Variants in SLC6A13 observed in about 807,000 individuals in gnomAD.
SLC6A13 encodes the protein solute carrier family 6 member 13.
Under a neutral mutation model 72.9 loss-of-function variants are expected in SLC6A13, and 69 were observed. The ratio of observed to expected loss-of-function variants is 0.95; its 90% CI spans 0.78 to 1.16. The LOEUF (loss-of-function observed/expected upper bound fraction) is 1.16. SLC6A13 is among the 50% of genes most tolerant of loss of function. SLC6A13 has a pLI of 0.00. For missense variants in SLC6A13, 735 were observed against 760.5 expected (o/e 0.97, Z 0.39); for synonymous variants, 303 against 303.0 (o/e 1.00, Z 0.00).
intron 8 of SLC6A13, among the ~76,000 whole-genome samples, chr12:227,200 C>T (rs1358171201): frequency 6.7e-6 from 1 of 148,330 alleles, no homozygotes; most frequent in Non-Finnish European, 1.5e-5. Flanking sequence ...TATAATGAAA[C>T]CAGTTTTTTT....
intron 4 of SLC6A13, among the ~76,000 whole-genome samples, chr12:239,280 C>T (rs1435580839): frequency 3.1e-5 from 2 of 65,326 alleles, no homozygotes; most frequent in Non-Finnish European, 9.4e-5. Context: ...CCACGTCCAC[C>T]CTGTTCCCTG....
intron 4 of SLC6A13, among the ~76,000 whole-genome samples, chr12:239,557 T>A (rs74057639): frequency 0.053 from 7,997 of 152,282 alleles, 565 homozygotes; most frequent in East Asian, 0.3. Flanking sequence ...CTCTGTTTTA[T>A]TTTCCTCCAT....
intron 2 of SLC6A13, chr12:259,626 C>T: frequency 7.0e-7 from 1 of 1,425,112 alleles, no homozygotes; most frequent in Non-Finnish European, 9.1e-7. Context: ...CCAGCTTGTG[C>T]TCATATTTCT....
At chr12:233,138 G>A (rs757179175) in intron 7 of SLC6A13, among the ~76,000 whole-genome samples, 1 of 152,206 alleles carries the variant, frequency 6.6e-6, no homozygotes, top group Non-Finnish European at 1.5e-5. Flanking sequence ...AGAGACTCCA[G>A]CAACAAGAGG....
chr12:221,702 T>C (rs1347566202), intron 13 of SLC6A13, among the ~76,000 whole-genome samples, 156 bp from the exon 14 acceptor site: 2 of 152,132 alleles, frequency 1.3e-5, no homozygotes, highest in African/African-American at 4.8e-5. Context: ...CCATCCACAC[T>C]CTGCCCAAAA....
At position 242,638 on chromosome 12, in the gene SLC6A13, C is replaced by A. The variant is rs375633418; in HGVS notation, c.454G>T (p.Gly152Cys). 3.1e-6 allele frequency: 5 copies of A among 1,613,600 alleles called. No individual in the cohort carries two copies. Among genetic ancestry groups the A allele is most frequent in the Non-Finnish European group, 4.2e-6 (5 of 1,179,780 alleles). ...CCTGTGTTCCACTCATGGTAGCAGC[C>A]GCCCCAGGGCAGGTCGATGGTGAAG... ...SSFTIDLPWG[G>C]CYHEWNTEHC... Residue 152 changes from glycine (G) to cysteine (C), a missense_variant, in exon 4 of 15, where the codon GGC (glycine) becomes TGC (cysteine). Coordinates refer to ENST00000343164, the MANE Select transcript of SLC6A13 (RefSeq NM_016615.5).
At chr12:224,770 G>A (rs966839721) in intron 9 of SLC6A13, among the ~76,000 whole-genome samples, 1 of 152,196 alleles carries the variant, frequency 6.6e-6, no homozygotes, top group African/African-American at 2.4e-5. Context: ...AGAGGGCTGT[G>A]GGTCTAAAAC....
chr12:227,705 G>A (rs777622345), intron 7 of SLC6A13, 37 bp from the exon 8 acceptor site: 1 of 1,544,986 alleles, frequency 6.5e-7, no homozygotes, highest in South Asian at 1.2e-5. Flanking sequence ...GAACTCCCAG[G>A]AAAGCCAGGC....
chr12:259,677 C>G, intron 2 of SLC6A13, 174 bp downstream of exon 2: 2 of 1,473,082 alleles, frequency 1.4e-6, no homozygotes, highest in Non-Finnish European at 1.8e-6. Context: ...GGGATAGTCA[C>G]GTAACCTTTC....
chr12:228,301 G>A (rs1015166062), intron 7 of SLC6A13, among the ~76,000 whole-genome samples: 1 of 152,160 alleles, frequency 6.6e-6, no homozygotes, highest in African/African-American at 2.4e-5. Context: ...GCCCGTGCAT[G>A]TTATGATTTA....
intron 2 of SLC6A13, among the ~76,000 whole-genome samples, chr12:250,911 T>C (rs1398022472): frequency 4.1e-5 from 6 of 147,742 alleles, no homozygotes; most frequent in South Asian, 2.1e-4. Context: ...TTTGGGAGCA[T>C]TCTGGGAGGC....
intron 1 of SLC6A13, among the ~76,000 whole-genome samples, chr12:261,724 G>A (rs540315947): frequency 3.3e-5 from 5 of 152,250 alleles, no homozygotes; most frequent in African/African-American, 1.2e-4. Flanking sequence ...TCAGGAGTTT[G>A]AGACCAGCCT....
chr12:227,453 A>C, intron 8 of SLC6A13, 112 bp downstream of exon 8: 1 of 1,538,686 alleles, frequency 6.5e-7, no homozygotes, highest in South Asian at 1.2e-5. Context: ...GGGTGTAGAC[A>C]GGGGGGCAGA....
intron 3 of SLC6A13, 22 bp from the exon 4 acceptor site, chr12:242,776 G>A: frequency 6.4e-7 from 1 of 1,564,500 alleles, no homozygotes. Flanking sequence ...CTGCAGAATT[G>A]GGCTAGGAAC....
At chr12:235,845 A>G (rs1941911337) in intron 6 of SLC6A13, among the ~76,000 whole-genome samples, 1 of 152,162 alleles carries the variant, frequency 6.6e-6, no homozygotes, top group Admixed American at 6.5e-5. Flanking sequence ...AAAGGAATGC[A>G]TTCCTGGGGG....
intron 9 of SLC6A13, among the ~76,000 whole-genome samples, chr12:225,113 A>C (rs1941387907): frequency 6.6e-6 from 1 of 152,236 alleles, no homozygotes; most frequent in Non-Finnish European, 1.5e-5. Context: ...GCGGCGCGTG[A>C]ATGTTTCTCT....
intron 3 of SLC6A13, among the ~76,000 whole-genome samples, chr12:243,073 A>G (rs1008467024): frequency 2.6e-5 from 4 of 151,564 alleles, no homozygotes; most frequent in Admixed American, 2.6e-4. Context: ...GCAGTGGTGC[A>G]ATCTCGGCTC....
chr12:257,152 G>A (rs1199737410), intron 2 of SLC6A13: 1 of 151,812 alleles, frequency 6.6e-6, no homozygotes, highest in African/African-American at 2.4e-5. Flanking sequence ...TGGGAGGTGA[G>A]AGGAGTTAAC....
At chr12:236,796 G>A (rs926657948) in intron 6 of SLC6A13, 1 of 163,094 alleles carries the variant, frequency 6.1e-6, no homozygotes, top group African/African-American at 2.4e-5. Context: ...GAATTCTTGA[G>A]TTGATTAAGA....
Sources: gnomAD v4.1 joint callset for allele counts (sites outside exome capture counted in the v4.1 genomes callset) on GRCh38, gnomAD v4.1.1 for gene constraint, MANE v1.5 for transcripts, NCBI Gene and HGNC (gene_info 2026-07-23, HGNC 2026-07-21) for gene names.